SDK1: variants seen among roughly 807,000 people sequenced by gnomAD.
The protein encoded by SDK1 is protein sidekick-1.
Under a neutral mutation model 245.5 loss-of-function variants are expected in SDK1, and 157 were observed. The ratio of observed to expected loss-of-function variants is 0.64; its 90% CI spans 0.56 to 0.73. SDK1 has a LOEUF of 0.73. SDK1 is among the 30% of genes least tolerant of loss of function. SDK1 has a pLI of 0.00. For missense variants in SDK1, 3,583 were observed against 3,002.3 expected, an observed-to-expected ratio of 1.19 and a Z score of -4.52; for synonymous variants, 1,647 against 1,278.5, an observed-to-expected ratio of 1.29 and a Z score of -6.15.
At chr7:3,792,940 A>G (rs761182839) in intron 4 of SDK1, among the ~76,000 whole-genome samples, 6 of 152,224 alleles carry the variant, frequency 3.9e-5, no homozygotes, top group Admixed American at 1.3e-4. Flanking sequence ...CTGCTTTGGA[A>G]CAATGAAATG....
At chr7:3,784,907 G>A (rs1270397347) in intron 4 of SDK1, among the ~76,000 whole-genome samples, 1 of 152,202 alleles carries the variant, frequency 6.6e-6, no homozygotes, top group Admixed American at 6.5e-5. Flanking sequence ...GCACACCAAT[G>A]TTTACTGCAG....
rs1562711185 is a variant in SDK1, at chr7:4,039,292, TA to T, written c.2603-10053del. ...CGTTGTGCACATGTACCGGAAAACT[TA>T]AAGTATAATAAAAAAAAAAGTTTCT... On this transcript the variant is annotated intron_variant, in intron 17 of 44. Coordinates refer to ENST00000404826, the MANE Select transcript of SDK1 (RefSeq NM_152744.4). Among the ~76,000 whole-genome samples, 3 of 145,876 alleles carry T rather than the reference TA, an allele frequency of 2.1e-5. No individual in the cohort carries two copies. The East Asian group carries it at 5.8e-4, about 28-fold the overall frequency.
chr7:3,460,035 G>A (rs2128594514), intron 1 of SDK1, among the ~76,000 whole-genome samples: 1 of 152,266 alleles, frequency 6.6e-6, no homozygotes, highest in Middle Eastern at 3.4e-3. Flanking sequence ...TTGGGGATAA[G>A]TATTTATTTT....
At chr7:3,915,074 G>C (rs573167032) in intron 5 of SDK1, among the ~76,000 whole-genome samples, 4 of 152,298 alleles carry the variant, frequency 2.6e-5, no homozygotes, top group South Asian at 2.1e-4. Context: ...TTGTACGGCC[G>C]TGGAATCTGA....
chr7:3,358,955 A>G (rs1323691970), intron 1 of SDK1, among the ~76,000 whole-genome samples: 2 of 152,184 alleles, frequency 1.3e-5, no homozygotes, highest in Non-Finnish European at 2.9e-5. Flanking sequence ...TTTTTTTCCC[A>G]AGAATATCTT....
chr7:3,810,583 C>T (rs1036312824), intron 4 of SDK1, among the ~76,000 whole-genome samples: 2 of 152,166 alleles, frequency 1.3e-5, no homozygotes, highest in African/African-American at 4.8e-5. Context: ...ATTTAAGAAA[C>T]ATTGCTATAA....
chr7:3,522,778 TG>T (rs1782985210), intron 1 of SDK1, among the ~76,000 whole-genome samples: 1 of 152,208 alleles, frequency 6.6e-6, no homozygotes, highest in Admixed American at 6.5e-5. Context: ...CAGAACCTTT[TG>T]AAAAACATGA....
intron 5 of SDK1, among the ~76,000 whole-genome samples, chr7:3,892,568 C>G (rs1781486380): frequency 6.6e-6 from 1 of 152,172 alleles, no homozygotes. Context: ...AGGGCAGAGA[C>G]AAATCATTTT....
chr7:3,538,171 G>A (rs1362731478), intron 1 of SDK1, among the ~76,000 whole-genome samples: 1 of 152,154 alleles, frequency 6.6e-6, no homozygotes, highest in Non-Finnish European at 1.5e-5. Context: ...GGTGGATGGG[G>A]TGGGGCAGAT....
intron 41 of SDK1, among the ~76,000 whole-genome samples, chr7:4,234,928 C>T (rs1411859401): frequency 1.3e-5 from 2 of 152,168 alleles, no homozygotes; most frequent in Non-Finnish European, 2.9e-5. Flanking sequence ...GGTCCTCTTC[C>T]TGGGATTAGG....
intron 1 of SDK1, among the ~76,000 whole-genome samples, chr7:3,482,325 G>A (rs1781545414): frequency 6.6e-6 from 1 of 152,184 alleles, no homozygotes; most frequent in Admixed American, 6.5e-5. Context: ...AGGGAGGGCA[G>A]CGAGCTCTTA....
chr7:4,076,439 C>G (rs903116595), intron 20 of SDK1, among the ~76,000 whole-genome samples: 4 of 152,028 alleles, frequency 2.6e-5, no homozygotes, highest in African/African-American at 7.2e-5. Context: ...GCCTGTGGTC[C>G]CAGCTACTCA....
At chr7:3,868,311 G>A (rs1780870649) in intron 5 of SDK1, among the ~76,000 whole-genome samples, 1 of 152,174 alleles carries the variant, frequency 6.6e-6, no homozygotes, top group Admixed American at 6.5e-5. Flanking sequence ...GAGCTGGGAG[G>A]ATTTGTCTCA....
rs545741400 is a variant in SDK1 at position 3,453,130 on chromosome 7, A to AC, written c.298+151254dup. 6.4e-3 allele frequency among the ~76,000 whole-genome samples: 962 copies of AC among 150,468 alleles called. 7 individuals carry two copies. The highest frequency in any genetic ancestry group is 0.022 in the African/African-American group (885 of 40,998). On this transcript the variant is annotated intron_variant, in intron 1 of 44. Coordinates refer to ENST00000404826, the MANE Select transcript of SDK1 (RefSeq NM_152744.4). ...GGTGTCTAGAACTTTGAGCAGTTTAACCCCCCCCGGTTTTCCAACTCTTTC... is the reference window on the plus strand; with the variant it reads ...GGTGTCTAGAACTTTGAGCAGTTTAACCCCCCCCCGGTTTTCCAACTCTTTC...
intron 2 of SDK1, among the ~76,000 whole-genome samples, chr7:3,637,037 C>G (rs1287996026): frequency 6.7e-6 from 1 of 150,216 alleles, no homozygotes; most frequent in African/African-American, 2.5e-5. Context: ...TTTTTTTAAG[C>G]TTTTTTTTCC....
intron 5 of SDK1, 41 bp from the exon 6 acceptor site, chr7:3,950,882 T>C (rs754291448): frequency 1.3e-6 from 2 of 1,513,312 alleles, no homozygotes. Flanking sequence ...GGTGCTCCTG[T>C]ACTTAGAGTT....
intron 1 of SDK1, among the ~76,000 whole-genome samples, chr7:3,501,688 ATTTG>A (rs1782219145): frequency 6.6e-6 from 1 of 152,112 alleles, no homozygotes; most frequent in Admixed American, 6.5e-5. Flanking sequence ...TTGTTCATTA[ATTTG>A]TTCTAGTTAC....
At chr7:3,357,160 A>G (rs1040131053) in intron 1 of SDK1, among the ~76,000 whole-genome samples, 10 of 150,876 alleles carry the variant, frequency 6.6e-5, no homozygotes, top group Non-Finnish European at 1.5e-4. Flanking sequence ...TTCTTGAAGT[A>G]TCTCTTTCTT....
In SDK1 at chr7:3,451,525, C is replaced by G. The variant is rs115535815; in HGVS notation, c.298+149641C>G. On this transcript the variant is annotated intron_variant, in intron 1 of 44. Coordinates refer to ENST00000404826, the MANE Select transcript of SDK1 (RefSeq NM_152744.4). ...GATGATCACACTGCATCAATGTGAT[C>G]AAAATGACGTCAGTGTTATCAGCAG... Among the ~76,000 whole-genome samples the G allele has an allele frequency of 4.0e-3, 610 of 152,184 alleles. 6 individuals carry two copies. The highest frequency in any genetic ancestry group is 0.014 in the African/African-American group (568 of 41,520).
Sources: allele counts gnomAD v4.1 joint callset (sites outside exome capture counted in the v4.1 genomes callset), GRCh38; gene constraint gnomAD v4.1.1; transcripts MANE v1.5; gene names NCBI Gene and HGNC (gene_info 2026-07-23, HGNC 2026-07-21).